SCARB2: variants seen among roughly 807,000 people sequenced by gnomAD.
SCARB2 encodes the protein scavenger receptor class B member 2.
A neutral mutation model predicts 58.6 loss-of-function variants in SCARB2; 29 were observed. The observed-to-expected ratio is 0.49, with a 90% CI of 0.37 to 0.67. The LOEUF is 0.67. Ranked by LOEUF, SCARB2 falls within the 30% of genes least tolerant of loss-of-function variation. The pLI, the probability that SCARB2 is intolerant of heterozygous loss-of-function variation, is 0.00. For missense variants in SCARB2, 488 were observed against 578.5 expected (o/e 0.84, Z 1.60); for synonymous variants, 195 against 210.1 (o/e 0.93, Z 0.62).
chr4:76,171,965 TGA>T (rs1732137266), intron 7 of SCARB2, among the ~76,000 whole-genome samples: 9 of 141,652 alleles, frequency 6.4e-5, no homozygotes, highest in Admixed American at 6.2e-4. Context: ...GTGTGCACCA[TGA>T]GTGTGTGTGC....
upstream of SCARB2, among the ~76,000 whole-genome samples, chr4:76,217,427 G>T (rs954785956): frequency 1.3e-5 from 2 of 152,188 alleles, no homozygotes; most frequent in Non-Finnish European, 2.9e-5. Flanking sequence ...CCTGAGGAGA[G>T]ATTGTTCATG....
At chr4:76,166,178 C>CTCACTTATATGATGTCACATGT in intron 10 of SCARB2, 72 bp downstream of exon 10, 1 of 1,411,362 alleles carries the variant, frequency 7.1e-7, no homozygotes, top group Non-Finnish European at 1.0e-6. Flanking sequence ...CATGTAACTA[C>CTCACTTATATGATGTCACATGT]AACAGTAGAC....
At chr4:76,162,252 T>G (rs1731914768) in intron 11 of SCARB2, 1 of 165,670 alleles carries the variant, frequency 6.0e-6, no homozygotes, top group Admixed American at 5.7e-5. Context: ...TCACAGCTAA[T>G]TCAGGCTAAA....
At chr4:76,233,184 G>A (rs1230966495) in intron 1 of SCARB2, among the ~76,000 whole-genome samples, 1 of 152,030 alleles carries the variant, frequency 6.6e-6, no homozygotes, top group Non-Finnish European at 1.5e-5. Flanking sequence ...AATTTTTAAC[G>A]TTAATTTAAA....
In SCARB2 at chr4:76,161,437, C is replaced by A; in HGVS notation, c.*276G>T. 2.0e-6 allele frequency: 1 copy of A among 498,990 alleles called. No individual in the cohort carries two copies. The highest frequency in any genetic ancestry group is 2.3e-5 in the South Asian group (1 of 43,424). 30.9% of individuals were successfully genotyped at this position (498,990 alleles called of 1,614,324 possible). A position where few individuals can be genotyped will look rare whatever the true frequency, so the allele number is the denominator to read the frequency against. On this transcript the variant is annotated 3_prime_UTR_variant, in exon 12 of 12. Transcript: ENST00000264896. ...CACAAAATTCTGGAGCTACCAGCAC[C>A]CAACAACAACAAAATTACTATACAA...
intron 2 of SCARB2, among the ~76,000 whole-genome samples, chr4:76,186,748 A>G (rs1732495524): frequency 6.6e-6 from 1 of 151,912 alleles, no homozygotes; most frequent in Admixed American, 6.6e-5. Context: ...ACTCACACAT[A>G]CCTGGTCACA....
chr4:76,217,651 A>G (rs562623143), upstream of SCARB2: 19 of 654,686 alleles, frequency 2.9e-5, no homozygotes, highest in Middle Eastern at 2.4e-4. Flanking sequence ...CTGCAGAACC[A>G]TGAGCCAAAT....
At chr4:76,224,729 A>T (rs1014583236) in intron 1 of SCARB2, among the ~76,000 whole-genome samples, 5 of 152,000 alleles carry the variant, frequency 3.3e-5, no homozygotes, top group African/African-American at 1.2e-4. Flanking sequence ...GGCCCAGCTA[A>T]TTTTTGTTAT....
chr4:76,169,760 A>C, intron 8 of SCARB2, 107 bp downstream of exon 8: 2 of 920,634 alleles, frequency 2.2e-6, no homozygotes, highest in Non-Finnish European at 3.6e-6. Context: ...TTGAATATGT[A>C]TATGAAAGTA....
intron 1 of SCARB2, among the ~76,000 whole-genome samples, chr4:76,205,931 C>A (rs1381042203): frequency 6.6e-6 from 1 of 152,098 alleles, no homozygotes; most frequent in African/African-American, 2.4e-5. Context: ...GCCTTGGGAG[C>A]CAATAAGGGC....
chr4:76,188,547 A>C (rs1306695439), intron 2 of SCARB2, among the ~76,000 whole-genome samples: 2 of 152,132 alleles, frequency 1.3e-5, no homozygotes. Flanking sequence ...TCCCACCACC[A>C]CACCAATCTG....
intron 10 of SCARB2, chr4:76,165,504 G>T (rs1483419080): frequency 2.0e-5 from 3 of 151,986 alleles, no homozygotes. Context: ...TTTATAAAGA[G>T]CACATGTTTT....
At chr4:76,186,750 C>T (rs1381588721) in intron 2 of SCARB2, among the ~76,000 whole-genome samples, 1 of 152,154 alleles carries the variant, frequency 6.6e-6, no homozygotes, top group Non-Finnish European at 1.5e-5. Context: ...TCACACATAC[C>T]TGGTCACAAC....
intron 1 of SCARB2, among the ~76,000 whole-genome samples, chr4:76,220,651 GCTA>G (rs1275651460): frequency 6.6e-6 from 1 of 152,144 alleles, no homozygotes; most frequent in African/African-American, 2.4e-5. Flanking sequence ...CCTGATACAT[GCTA>G]CTACAGTGCA....
At position 76,163,299 on chromosome 4, in the gene SCARB2, T is replaced by C; in HGVS notation, c.1324A>G (p.Ile442Val). Residue 442 changes from isoleucine to valine, a missense_variant, in exon 11 of 12, where the codon ATC (isoleucine) becomes GTC (valine). Coordinates refer to ENST00000264896, the MANE Select transcript of SCARB2 (RefSeq NM_005506.4). ...CCAAAGAACACACCCAGCGCCATGA[T>C]GATGTAGGGTATGTTGGTGATGATC... ...TLIITNIPYI[I>V]MALGVFFGLV... 6.2e-7 allele frequency: 1 copy of C among 1,614,186 alleles called. No homozygotes were observed. The highest frequency in any genetic ancestry group is 8.5e-7 in the Non-Finnish European group (1 of 1,180,030).
chr4:76,181,239 G>T, intron 2 of SCARB2, 138 bp from the exon 3 acceptor site: 1 of 827,438 alleles, frequency 1.2e-6, no homozygotes, highest in South Asian at 1.7e-5. Flanking sequence ...CAGCTACTAA[G>T]CCTTAAAAAG....
At chr4:76,169,341 C>CATAT (rs3217498) in intron 8 of SCARB2, among the ~76,000 whole-genome samples, 1 of 151,126 alleles carries the variant, frequency 6.6e-6, no homozygotes, top group East Asian at 1.9e-4. Flanking sequence ...CACACACACA[C>CATAT]GTGTGTATGT....
chr4:76,194,050 G>C (rs79274261), intron 2 of SCARB2: 3,502 of 152,284 alleles, frequency 0.023, 121 homozygotes, highest in African/African-American at 0.08. Context: ...GACTTCTCAC[G>C]AGATCTTGTT....
chr4:76,214,195 G>C (rs1307968463), upstream of SCARB2: 361 of 454,076 alleles, frequency 8.0e-4, 2 homozygotes, highest in Non-Finnish European at 1.0e-3. Context: ...CTCTAGAGGC[G>C]CTCGCAAGTT....
Sources: allele counts gnomAD v4.1 joint callset (sites outside exome capture counted in the v4.1 genomes callset), GRCh38; gene constraint gnomAD v4.1.1; transcripts MANE v1.5; gene names NCBI Gene and HGNC (gene_info 2026-07-23, HGNC 2026-07-21).